The following FRMD4B variants were observed in gnomAD, a reference collection of about 807,000 sequenced individuals.
The protein encoded by FRMD4B is FERM domain-containing protein 4B.
A neutral mutation model predicts 141.5 loss-of-function variants in FRMD4B; 74 were observed. The observed-to-expected ratio is 0.52, with a 90% confidence interval of 0.43 to 0.63. The LOEUF (loss-of-function observed/expected upper bound fraction) is 0.63, where lower values mean the gene tolerates loss of function less well. Among genes scored for constraint, FRMD4B ranks in the 30% least tolerant of loss-of-function variants. FRMD4B has a pLI of 0.00. For synonymous variants in FRMD4B, 506 were observed against 467.9 expected, an observed-to-expected ratio of 1.08 and a Z score of -1.05; for missense variants, 1,366 against 1,253.4, an observed-to-expected ratio of 1.09 and a Z score of -1.36.
At chr3:69,250,795 T>A (rs1049045360) in intron 5 of FRMD4B, among the ~76,000 whole-genome samples, 2 of 150,998 alleles carry the variant, frequency 1.3e-5, no homozygotes, top group South Asian at 4.2e-4. Context: ...TGGTAAAGAA[T>A]GCTTTTTCAG....
At chr3:69,538,776 T>A (rs1244447057) in intron 1 of FRMD4B, among the ~76,000 whole-genome samples, 2 of 152,192 alleles carry the variant, frequency 1.3e-5, no homozygotes, top group African/African-American at 4.8e-5. Flanking sequence ...AAAATTGTTA[T>A]CTTACCACTT....
At chr3:69,364,380 T>C (rs1300605049) in intron 1 of FRMD4B, among the ~76,000 whole-genome samples, 1 of 152,226 alleles carries the variant, frequency 6.6e-6, no homozygotes, top group Non-Finnish European at 1.5e-5. Context: ...ACCTGCCATT[T>C]TGCCATCTGC....
At chr3:69,522,797 T>A (rs1700871490) in intron 1 of FRMD4B, among the ~76,000 whole-genome samples, 1 of 152,036 alleles carries the variant, frequency 6.6e-6, no homozygotes, top group African/African-American at 2.4e-5. Flanking sequence ...AGCCAGCTAA[T>A]AAGGGAGCCT....
rs867939575 is a variant in FRMD4B, at chr3:69,340,740, T to A, written c.163-27223A>T. Among the ~76,000 whole-genome samples, 12 of 152,332 alleles carry A rather than the reference T, an allele frequency of 7.9e-5. No homozygotes were observed. In the East Asian group the frequency reaches 1.3e-3, roughly 17 times the overall value. On this transcript the variant is annotated intron_variant, in intron 1 of 22. Coordinates refer to ENST00000398540, the MANE Select transcript of FRMD4B (RefSeq NM_015123.3). Reference sequence around the variant, plus strand: ...TTCGAATAGCTTTGGGTTCCATAGCTCTTATTATGAGTGTTATCGTCTTTT... The same window carrying A: ...TTCGAATAGCTTTGGGTTCCATAGCACTTATTATGAGTGTTATCGTCTTTT...
rs1703740354 is a variant in FRMD4B, at chr3:69,368,740, C to T, written c.162+17088G>A. Reference sequence around the variant, plus strand: ...TGGTGCAATCACGGCTCACTGCAACCTCAACCTCCTGGGCTCAAGCAATCC... The same window carrying T: ...TGGTGCAATCACGGCTCACTGCAACTTCAACCTCCTGGGCTCAAGCAATCC... On this transcript the variant is annotated intron_variant, in intron 1 of 22. Transcript: ENST00000398540. Among the ~76,000 whole-genome samples, 4 of 152,296 alleles carry T rather than the reference C, an allele frequency of 2.6e-5. No homozygotes were observed. In the South Asian group the frequency reaches 6.2e-4, roughly 24 times the overall value.
At chr3:69,456,066 C>T (rs1366139223) in intron 1 of FRMD4B, among the ~76,000 whole-genome samples, 1 of 152,184 alleles carries the variant, frequency 6.6e-6, no homozygotes, top group Non-Finnish European at 1.5e-5. Context: ...ATAACTGGTG[C>T]CGAGTATCTC....
chr3:69,532,472 T>C (rs1331508861), intron 1 of FRMD4B, among the ~76,000 whole-genome samples: 1 of 152,134 alleles, frequency 6.6e-6, no homozygotes, highest in Non-Finnish European at 1.5e-5. Context: ...ATAGCATAAA[T>C]GTTTAAAGGT....
intron 1 of FRMD4B, among the ~76,000 whole-genome samples, chr3:69,331,975 C>G (rs1308198931): frequency 2.0e-5 from 3 of 152,088 alleles, no homozygotes; most frequent in Non-Finnish European, 4.4e-5. Flanking sequence ...GTAATCCCAG[C>G]CACTCGGGAT....
At chr3:69,189,812 A>C (rs1274034313) in intron 18 of FRMD4B, 84 bp downstream of exon 18, 1 of 807,104 alleles carries the variant, frequency 1.2e-6, no homozygotes, top group Non-Finnish European at 2.1e-6. Context: ...AGAAAAACAA[A>C]TAGGCCTTAC....
At chr3:69,198,517 C>T (rs4624565) in intron 12 of FRMD4B, 181 bp downstream of exon 12, 501,686 of 580,706 alleles carry the variant, frequency 0.86, 223,791 homozygotes, top group Non-Finnish European at 0.94. Context: ...CTTTGAAAAG[C>T]AGCCTTGCCA....
At chr3:69,418,613 T>C (rs1261370888) in intron 2 of FRMD4B, among the ~76,000 whole-genome samples, 1 of 152,152 alleles carries the variant, frequency 6.6e-6, no homozygotes, top group African/African-American at 2.4e-5. Context: ...GGGCCACATG[T>C]CAGGGAACTG....
At chr3:69,301,122 C>G (rs1049569959) in intron 4 of FRMD4B, among the ~76,000 whole-genome samples, 2 of 152,128 alleles carry the variant, frequency 1.3e-5, no homozygotes, top group Admixed American at 1.3e-4. Flanking sequence ...AAGATCTCCA[C>G]CCAGGTTGCA....
At chr3:69,200,753 C>A in intron 11 of FRMD4B, 1 of 1,110,608 alleles carries the variant, frequency 9.0e-7, no homozygotes, top group Non-Finnish European at 1.2e-6. Flanking sequence ...GCTTTGAATC[C>A]AAGGACGAAT....
intron 5 of FRMD4B, among the ~76,000 whole-genome samples, chr3:69,262,554 G>A (rs1475920281): frequency 7.3e-6 from 1 of 137,136 alleles, no homozygotes; most frequent in African/African-American, 2.7e-5. Flanking sequence ...TCGCCTCCCA[G>A]GTTCAAGTGA....
At chr3:69,211,023 G>GAAAAAAAAAAAAAAAAAA (rs541259572) in intron 11 of FRMD4B, among the ~76,000 whole-genome samples, 1 of 85,838 alleles carries the variant, frequency 1.2e-5, no homozygotes, top group African/African-American at 4.6e-5. Flanking sequence ...ATGCCATCTC[G>GAAAAAAAAAAAAAAAAAA]AAAAAAAAAA....
intron 5 of FRMD4B, among the ~76,000 whole-genome samples, chr3:69,271,413 C>T (rs891387245): frequency 2.6e-5 from 4 of 152,154 alleles, no homozygotes; most frequent in African/African-American, 9.7e-5. Flanking sequence ...AAAGGAGGAA[C>T]AATGATCTTC....
At chr3:69,200,771 G>A (rs1036548342) in intron 11 of FRMD4B, 8 of 928,392 alleles carry the variant, frequency 8.6e-6, no homozygotes, top group Non-Finnish European at 1.2e-5. Flanking sequence ...AATTTCACCG[G>A]AGGCTGTTTT....
chr3:69,521,614 A>AT (rs1191213542), intron 1 of FRMD4B, among the ~76,000 whole-genome samples: 1 of 152,154 alleles, frequency 6.6e-6, no homozygotes, highest in East Asian at 1.9e-4. Flanking sequence ...ATGCTCAACC[A>AT]TGGCCTACAA....
rs565954862 is a variant in FRMD4B, at chr3:69,499,830, G to C, written c.-129+42376C>G. 2.6e-5 allele frequency among the ~76,000 whole-genome samples: 4 copies of C among 152,288 alleles called. No homozygotes were observed. The South Asian group carries it at 8.3e-4, about 32-fold the overall frequency. ...AGCCAATGATAGAGTGTGTTTTAGTGTCCAGTCCCTTAGATTTAAAGAAGA... is the reference window on the plus strand; with the variant it reads ...AGCCAATGATAGAGTGTGTTTTAGTCTCCAGTCCCTTAGATTTAAAGAAGA... On this transcript the variant is annotated intron_variant, in intron 1 of 5. Coordinates refer to the FRMD4B transcript ENST00000459638.
Sources: gnomAD v4.1 joint callset for allele counts (sites outside exome capture counted in the v4.1 genomes callset) on GRCh38, gnomAD v4.1.1 for gene constraint, MANE v1.5 for transcripts, NCBI Gene and HGNC (gene_info 2026-07-23, HGNC 2026-07-21) for gene names.